Variants in GRIN2A observed in about 807,000 individuals in gnomAD.
GRIN2A encodes the protein glutamate ionotropic receptor NMDA type subunit 2A, also known as glutamate receptor ionotropic, NMDA 2A.
GRIN2A carries 22 observed loss-of-function variants against 113.4 expected under a neutral mutation model. The observed-to-expected ratio is 0.19, with a 90% CI of 0.14 to 0.28. The LOEUF (loss-of-function observed/expected upper bound fraction) is 0.28. Among genes scored for constraint, GRIN2A ranks in the 10% least tolerant of loss-of-function variants. GRIN2A has a pLI of 1.00. For synonymous variants in GRIN2A, 827 were observed against 738.4 expected, an observed-to-expected ratio of 1.12 and a Z score of -1.94; for missense variants, 1,502 against 1,887.0, an observed-to-expected ratio of 0.80 and a Z score of 3.78.
intron 2 of GRIN2A, among the ~76,000 whole-genome samples, chr16:9,948,774 G>C (rs2045090308): frequency 2.0e-5 from 3 of 152,218 alleles, no homozygotes; most frequent in African/African-American, 7.2e-5. Context: ...GGAACGAGAA[G>C]AGCACAGAGA....
chr16:9,928,835 C>G (rs2141602334), intron 3 of GRIN2A, among the ~76,000 whole-genome samples: 1 of 152,364 alleles, frequency 6.6e-6, no homozygotes, highest in Admixed American at 6.5e-5. Flanking sequence ...GCCATACTTT[C>G]TCAATGTACT....
At chr16:9,966,645 G>A (rs962311941) in intron 2 of GRIN2A, among the ~76,000 whole-genome samples, 7 of 152,130 alleles carry the variant, frequency 4.6e-5, no homozygotes, top group Admixed American at 6.5e-5. Context: ...ACCTGGAAAC[G>A]GGATTGCTGG....
In GRIN2A at chr16:10,180,865, A is replaced by G; in HGVS notation, c.-18-436T>C. The stretch of plus-strand genomic sequence containing the variant: ...TGGGATAGAGAGGACCAAGTTATCA[A>G]CCCCGCCCCCTGCTGGCGCGGAGCG... On this transcript the variant is annotated intron_variant, in intron 1 of 12. Transcript: ENST00000330684. This position sits in a 1 kb window ranked among gnomAD's most constrained non-coding sequence, Gnocchi z 7.0. 2.1e-5 allele frequency: 4 copies of G among 186,938 alleles called. No individual in the cohort carries two copies. Among genetic ancestry groups the G allele is most frequent in the South Asian group, 1.2e-4 (1 of 8,602 alleles). 11.6% of individuals were successfully genotyped at this position (186,938 alleles called of 1,614,324 possible). A position where few individuals can be genotyped will look rare whatever the true frequency, so the allele number is the denominator to read the frequency against.
intron 2 of GRIN2A, among the ~76,000 whole-genome samples, chr16:9,970,070 G>A (rs1196107935): frequency 6.6e-6 from 1 of 152,238 alleles, no homozygotes; most frequent in African/African-American, 2.4e-5. Flanking sequence ...TGACGTCAAA[G>A]AAATCTCGAG....
chr16:9,763,770 A>G lies in GRIN2A; in HGVS notation c.3774T>C (p.Gly1258=). Residue 1258 remains glycine, a synonymous_variant, in exon 13 of 13, where the codon GGT becomes GGC. Coordinates refer to ENST00000330684, the MANE Select transcript of GRIN2A (RefSeq NM_001134407.3). ...IDEDQMLQET[G]NPATGEQVYQ... ...AGACCTGCTCCCCGGTGGCTGGGTT[A>G]CCTGTCTCCTGAAGCATCTGGTCTT... The G allele has an allele frequency of 6.2e-7, 1 of 1,614,096 alleles. No homozygotes were observed. The highest frequency in any genetic ancestry group is 8.5e-7 in the Non-Finnish European group (1 of 1,180,020).
chr16:10,056,863 T>C (rs969499607), intron 2 of GRIN2A, among the ~76,000 whole-genome samples: 1 of 152,188 alleles, frequency 6.6e-6, no homozygotes, highest in Non-Finnish European at 1.5e-5. Context: ...AGAACTGTGA[T>C]ATAATAAATT....
chr16:9,873,970 G>C (rs9302397), intron 4 of GRIN2A, among the ~76,000 whole-genome samples: 2 of 152,056 alleles, frequency 1.3e-5, no homozygotes, highest in African/African-American at 2.4e-5. Context: ...TAAAGACAAC[G>C]TAAGTGAGAG....
intron 2 of GRIN2A, among the ~76,000 whole-genome samples, chr16:10,052,564 C>T (rs1037920736): frequency 6.6e-6 from 1 of 152,164 alleles, no homozygotes; most frequent in Admixed American, 6.5e-5. Flanking sequence ...CTAAGATATT[C>T]CGCCTTCAGG....
At chr16:10,083,011 C>G (rs956532528) in intron 2 of GRIN2A, among the ~76,000 whole-genome samples, 8 of 152,186 alleles carry the variant, frequency 5.3e-5, no homozygotes, top group Non-Finnish European at 1.2e-4. Context: ...ATTAAATGCA[C>G]TTCCTCTAGA....
At position 10,040,837 on chromosome 16, in the gene GRIN2A, G is replaced by T. The variant is rs192317715; in HGVS notation, c.415-102286C>A. ...CGCTCTGGAGGCTGGAGGCAGCTGT[G>T]GGGGAGGCTGGCAGGTCAGAGCTGT... On this transcript the variant is annotated intron_variant, in intron 2 of 12. Coordinates refer to ENST00000330684, the MANE Select transcript of GRIN2A (RefSeq NM_001134407.3). 5.2e-3 allele frequency among the ~76,000 whole-genome samples: 789 copies of T among 152,354 alleles called. 11 individuals carry two copies. Among genetic ancestry groups the T allele is most frequent in the African/African-American group, 0.018 (757 of 41,570 alleles).
intron 2 of GRIN2A, among the ~76,000 whole-genome samples, chr16:9,948,350 G>A (rs1317151845): frequency 1.3e-5 from 2 of 152,194 alleles, no homozygotes; most frequent in Non-Finnish European, 2.9e-5. Context: ...AAACACAGCG[G>A]GTGGGGGCTG....
At chr16:9,990,545 ACGCGCG>A (rs869036966) in intron 2 of GRIN2A, among the ~76,000 whole-genome samples, 1 of 130,424 alleles carries the variant, frequency 7.7e-6, no homozygotes, top group African/African-American at 2.9e-5. Context: ...CTCTCTCTAC[ACGCGCG>A]CGCGCGCGCG....
chr16:9,934,738 A>G (rs1467113282), intron 3 of GRIN2A, among the ~76,000 whole-genome samples: 2 of 141,172 alleles, frequency 1.4e-5, no homozygotes, highest in African/African-American at 5.2e-5. Flanking sequence ...TTTTGTTTTT[A>G]AATGCTTTCT....
chr16:10,038,442 G>A (rs1056554712), intron 2 of GRIN2A, among the ~76,000 whole-genome samples: 1 of 152,076 alleles, frequency 6.6e-6, no homozygotes, highest in Non-Finnish European at 1.5e-5. Context: ...CTGCATTGGA[G>A]GGGGCTGTCC....
At chr16:9,837,521 G>A (rs952557402) in intron 7 of GRIN2A, among the ~76,000 whole-genome samples, 1 of 152,114 alleles carries the variant, frequency 6.6e-6, no homozygotes, top group Non-Finnish European at 1.5e-5. Context: ...ATTGGAAAAA[G>A]AGTTCTCTCT....
intron 2 of GRIN2A, among the ~76,000 whole-genome samples, chr16:10,143,515 A>G (rs1475499615): frequency 1.3e-5 from 2 of 151,960 alleles, no homozygotes; most frequent in Non-Finnish European, 1.5e-5. Flanking sequence ...TTAAGGAATT[A>G]TTAATTAAGA....
intron 2 of GRIN2A, among the ~76,000 whole-genome samples, chr16:10,122,596 C>T (rs971403367): frequency 3.5e-4 from 53 of 151,730 alleles, no homozygotes; most frequent in African/African-American, 1.0e-3. Flanking sequence ...CTCTTTTTGT[C>T]CCCCACCCCC....
chr16:10,102,243 A>G (rs573800496), intron 2 of GRIN2A, among the ~76,000 whole-genome samples: 18 of 152,264 alleles, frequency 1.2e-4, no homozygotes, highest in Non-Finnish European at 2.6e-4. Context: ...TCCCTCATGA[A>G]CAGCCTAGCA....
At chr16:10,089,484 G>C (rs549099425) in intron 2 of GRIN2A, among the ~76,000 whole-genome samples, 7 of 152,124 alleles carry the variant, frequency 4.6e-5, no homozygotes, top group Non-Finnish European at 1.0e-4. Context: ...TGGGTTCCAG[G>C]AGGGCAGTTG....
Sources: gnomAD v4.1 joint callset for allele counts (sites outside exome capture counted in the v4.1 genomes callset) on GRCh38, gnomAD v4.1.1 for gene constraint, Gnocchi (gnomAD v3.1) non-coding constraint, MANE v1.5 for transcripts, NCBI Gene and HGNC (gene_info 2026-07-23, HGNC 2026-07-21) for gene names.